The following CSNK1G3 variants were observed in gnomAD, a reference collection of about 807,000 sequenced individuals.
CSNK1G3 encodes the protein casein kinase I isoform gamma-3.
Under a neutral mutation model 64.3 loss-of-function variants are expected in CSNK1G3, and 23 were observed. The ratio of observed to expected loss-of-function variants is 0.36; its 90% CI spans 0.26 to 0.51. The LOEUF (loss-of-function observed/expected upper bound fraction) is 0.51. Among genes scored for constraint, CSNK1G3 ranks in the 20% least tolerant of loss-of-function variants. The probability of loss-of-function intolerance (pLI) is 0.96; values close to 1 mark genes in which losing one functional copy is unlikely to be tolerated. For missense variants in CSNK1G3, 357 were observed against 510.5 expected, an observed-to-expected ratio of 0.70 and a Z score of 2.90; for synonymous variants, 158 against 162.2, an observed-to-expected ratio of 0.97 and a Z score of 0.20.
At chr5:123,616,716 T>C (rs1223045241) in exon 13 of CSNK1G3, 1 of 152,578 alleles carries the variant, frequency 6.6e-6, no homozygotes, top group Non-Finnish European at 1.5e-5. Flanking sequence ...CACATCCCTG[T>C]TTAAAAGTAT....
chr5:123,525,469 C>G (rs1436525532), intron 1 of CSNK1G3, among the ~76,000 whole-genome samples: 3 of 152,010 alleles, frequency 2.0e-5, no homozygotes, highest in Non-Finnish European at 2.9e-5. Context: ...TGCCACCACG[C>G]CCCGCTAGTT....
At chr5:123,533,105 TA>T (rs1314074322) in intron 1 of CSNK1G3, among the ~76,000 whole-genome samples, 3 of 151,968 alleles carry the variant, frequency 2.0e-5, no homozygotes, top group African/African-American at 7.2e-5. Context: ...ATCTATTACT[TA>T]CCATTGACAC....
chr5:123,589,442 G>A (rs1399582718), intron 8 of CSNK1G3, among the ~76,000 whole-genome samples: 1 of 152,086 alleles, frequency 6.6e-6, no homozygotes, highest in Non-Finnish European at 1.5e-5. Flanking sequence ...GGGAAAAATG[G>A]GGTTGCCAAA....
chr5:123,580,078 TAAAG>T (rs941025456), intron 6 of CSNK1G3, among the ~76,000 whole-genome samples: 2 of 151,964 alleles, frequency 1.3e-5, no homozygotes, highest in African/African-American at 2.4e-5. Context: ...CAGGAAGAGA[TAAAG>T]AAGGAAAAGG....
At chr5:123,565,414 T>G (rs1786668950) in intron 4 of CSNK1G3, among the ~76,000 whole-genome samples, 1 of 152,224 alleles carries the variant, frequency 6.6e-6, no homozygotes, top group South Asian at 2.1e-4. Flanking sequence ...AATGCCTTAA[T>G]GCAAAATTAC....
chr5:123,562,549 G>T lies in CSNK1G3; in HGVS notation c.289+4985G>T, dbSNP rs1359858885. Among the ~76,000 whole-genome samples the T allele has an allele frequency of 6.6e-5, 10 of 151,992 alleles. No homozygotes were observed. In the East Asian group the frequency reaches 1.7e-3, roughly 26 times the overall value. ...AAATTTCCTATATTTTCTAACTTCTGTGACCCTGTGATTAAAGTTTGATAT... is the reference window on the plus strand; with the variant it reads ...AAATTTCCTATATTTTCTAACTTCTTTGACCCTGTGATTAAAGTTTGATAT... On this transcript the variant is annotated intron_variant, in intron 4 of 12. Transcript: ENST00000345990.
At chr5:123,556,817 CATTT>C (rs5871050) in intron 3 of CSNK1G3, among the ~76,000 whole-genome samples, 30,970 of 150,860 alleles carry the variant, frequency 0.21, 3,299 homozygotes, top group Middle Eastern at 0.24. Flanking sequence ...ATCTCAAAAA[CATTT>C]ATGTCGAATG....
At chr5:123,598,262 A>C (rs954511011) in intron 10 of CSNK1G3, among the ~76,000 whole-genome samples, 2 of 152,200 alleles carry the variant, frequency 1.3e-5, no homozygotes, top group African/African-American at 2.4e-5. Flanking sequence ...CAGACCTACC[A>C]CATTCAGTTT....
At chr5:123,590,960 A>G (rs1213100598) in intron 9 of CSNK1G3, among the ~76,000 whole-genome samples, 1 of 151,988 alleles carries the variant, frequency 6.6e-6, no homozygotes, top group African/African-American at 2.4e-5. Flanking sequence ...ATTTTCTTAA[A>G]AGTTTATTCT....
At chr5:123,588,807 A>G (rs1220782201) in intron 8 of CSNK1G3, among the ~76,000 whole-genome samples, 1 of 152,150 alleles carries the variant, frequency 6.6e-6, no homozygotes, top group African/African-American at 2.4e-5. Context: ...AAGAAATGCC[A>G]GTTACAAAGT....
intron 4 of CSNK1G3, among the ~76,000 whole-genome samples, chr5:123,561,778 C>A (rs10062103): frequency 6.6e-6 from 1 of 152,008 alleles, no homozygotes; most frequent in Non-Finnish European, 1.5e-5. Context: ...TCGACAGTTT[C>A]TCTCTCTCTT....
chr5:123,558,617 A>G (rs1785077128), intron 4 of CSNK1G3, among the ~76,000 whole-genome samples: 1 of 152,180 alleles, frequency 6.6e-6, no homozygotes, highest in East Asian at 1.9e-4. Context: ...GCAAATGAGT[A>G]GTCATTGTAG....
chr5:123,579,586 G>A (rs1789860959), intron 6 of CSNK1G3, among the ~76,000 whole-genome samples: 1 of 151,930 alleles, frequency 6.6e-6, no homozygotes, highest in African/African-American at 2.4e-5. Context: ...TGTGAGACAT[G>A]AAGTCACAAC....
rs547902870 is a variant in CSNK1G3, at chr5:123,549,339, A to T, written c.178+3498A>T. On this transcript the variant is annotated intron_variant, in intron 2 of 12. Transcript: ENST00000345990. ...TTATGATGTTTTGACATCTTAAAAAACCTTTCTGGCTGGGAAGAGATTACC... is the reference window on the plus strand; with the variant it reads ...TTATGATGTTTTGACATCTTAAAAATCCTTTCTGGCTGGGAAGAGATTACC... Among the ~76,000 whole-genome samples, 13 of 152,196 alleles carry T rather than the reference A, an allele frequency of 8.5e-5. No homozygotes were observed. In the South Asian group the frequency reaches 1.5e-3, roughly 17 times the overall value.
At chr5:123,527,629 A>C (rs951184539) in intron 1 of CSNK1G3, among the ~76,000 whole-genome samples, 1 of 152,122 alleles carries the variant, frequency 6.6e-6, no homozygotes, top group Non-Finnish European at 1.5e-5. Flanking sequence ...ATACTAGTCT[A>C]TGTATTAGTA....
At chr5:123,608,583 G>T (rs768179491) in intron 12 of CSNK1G3, among the ~76,000 whole-genome samples, 115 of 152,074 alleles carry the variant, frequency 7.6e-4, no homozygotes, top group Non-Finnish European at 1.3e-3. Context: ...TTACCGAACA[G>T]ATTATCATGT....
chr5:123,578,943 G>A lies in CSNK1G3; in HGVS notation c.673+2980G>A, dbSNP rs564211397. On this transcript the variant is annotated intron_variant, in intron 6 of 12. Transcript: ENST00000345990. ...GTACAAACTTAATTATCTGCTTTTA[G>A]ATATTATTCTGCTTTCAGATACTAT... Among the ~76,000 whole-genome samples, 292 of 152,032 alleles carry A rather than the reference G, an allele frequency of 1.9e-3. 1 individual carries two copies. The highest frequency in any genetic ancestry group is 6.7e-3 in the African/African-American group (278 of 41,552).
intron 4 of CSNK1G3, among the ~76,000 whole-genome samples, chr5:123,569,229 A>G (rs1448673560): frequency 6.6e-6 from 1 of 152,182 alleles, no homozygotes; most frequent in Non-Finnish European, 1.5e-5. Flanking sequence ...AAACAAAAGG[A>G]TAGGGTAATT....
At position 123,584,271 on chromosome 5, in the gene CSNK1G3, A is replaced by G. The variant is rs187570583; in HGVS notation, c.674-3797A>G. 4.6e-3 allele frequency among the ~76,000 whole-genome samples: 699 copies of G among 152,220 alleles called. 6 individuals are homozygous for G. Among genetic ancestry groups the G allele is most frequent in the Non-Finnish European group, 4.3e-3 (292 of 68,000 alleles). On this transcript the variant is annotated intron_variant, in intron 6 of 12. Transcript: ENST00000345990. ...CTTGATCTTAGGAGTGTCTTTTATC[A>G]TTTAAGAATTATGTTAGTTGACATT...
Sources: allele counts gnomAD v4.1 joint callset (sites outside exome capture counted in the v4.1 genomes callset), GRCh38; gene constraint gnomAD v4.1.1; transcripts MANE v1.5; gene names NCBI Gene and HGNC (gene_info 2026-07-23, HGNC 2026-07-21).